Variants in RAD51B observed in about 807,000 individuals in gnomAD.
RAD51B encodes DNA repair protein RAD51 homolog 2.
RAD51B carries 38 observed loss-of-function variants against 42.2 expected under a neutral mutation model. That is an observed-to-expected ratio of 0.90 (90% CI 0.70 to 1.18). The LOEUF is 1.18. RAD51B is among the 50% of genes most tolerant of loss of function. The pLI, the probability that RAD51B is intolerant of heterozygous loss-of-function variation, is 0.00. For missense variants in RAD51B, 373 were observed against 400.7 expected (o/e 0.93, Z 0.59); for synonymous variants, 154 against 145.2 (o/e 1.06, Z -0.43).
At chr14:68,513,429 C>T (rs1308421229) in intron 10 of RAD51B, among the ~76,000 whole-genome samples, 2 of 152,182 alleles carry the variant, frequency 1.3e-5, no homozygotes, top group Non-Finnish European at 2.9e-5. Flanking sequence ...TCATATAAGC[C>T]CCAGCCAAAT....
intron 4 of RAD51B, among the ~76,000 whole-genome samples, chr14:67,843,906 G>T (rs1201940166): frequency 1.3e-5 from 2 of 151,382 alleles, no homozygotes; most frequent in Non-Finnish European, 2.9e-5. Context: ...GGGTTGGTTT[G>T]CTCTTGCTTC....
At chr14:68,345,643 C>A (rs1329603974) in intron 8 of RAD51B, among the ~76,000 whole-genome samples, 1 of 151,546 alleles carries the variant, frequency 6.6e-6, no homozygotes, top group African/African-American at 2.4e-5. Flanking sequence ...TTAAGCTCAG[C>A]GTCAGGTGTT....
At chr14:68,081,011 G>A (rs1261521818) in intron 7 of RAD51B, among the ~76,000 whole-genome samples, 1 of 152,176 alleles carries the variant, frequency 6.6e-6, no homozygotes, top group Non-Finnish European at 1.5e-5. Flanking sequence ...GATGTAGGGA[G>A]TCCAGTGAGA....
At chr14:67,821,361 A>G (rs958346293) in intron 1 of RAD51B, among the ~76,000 whole-genome samples, 6 of 152,246 alleles carry the variant, frequency 3.9e-5, no homozygotes, top group African/African-American at 9.6e-5. Flanking sequence ...ACAATATGCA[A>G]TAGTCCAGGC....
intron 3 of RAD51B, among the ~76,000 whole-genome samples, chr14:67,829,264 A>G (rs1418054095): frequency 6.7e-6 from 1 of 148,748 alleles, no homozygotes; most frequent in Non-Finnish European, 1.5e-5. Flanking sequence ...TTTTTTTGAG[A>G]CAGAGTCTTG....
chr14:68,425,546 A>G (rs1051781989), intron 9 of RAD51B, among the ~76,000 whole-genome samples: 1 of 152,232 alleles, frequency 6.6e-6, no homozygotes, highest in Non-Finnish European at 1.5e-5. Flanking sequence ...GCAATGATGC[A>G]GCAAGAAGGC....
intron 8 of RAD51B, among the ~76,000 whole-genome samples, chr14:68,398,058 C>T (rs1004008752): frequency 3.9e-5 from 6 of 152,206 alleles, no homozygotes; most frequent in African/African-American, 1.2e-4. Context: ...ACCATAAATC[C>T]TCACACTCTG....
At chr14:68,228,910 A>G (rs2080093927) in intron 7 of RAD51B, among the ~76,000 whole-genome samples, 2 of 152,220 alleles carry the variant, frequency 1.3e-5, no homozygotes, top group East Asian at 1.9e-4. Flanking sequence ...GACTGTGAAC[A>G]TGGGAATACA....
chr14:68,428,757 AT>A (rs2084921997), intron 9 of RAD51B, among the ~76,000 whole-genome samples: 1 of 71,848 alleles, frequency 1.4e-5, no homozygotes, highest in African/African-American at 5.2e-5. Flanking sequence ...ATATATATAT[AT>A]ATATATAATT....
intron 8 of RAD51B, among the ~76,000 whole-genome samples, chr14:68,299,849 GT>G: frequency 6.6e-6 from 1 of 152,270 alleles, no homozygotes; most frequent in Non-Finnish European, 1.5e-5. Flanking sequence ...TGAAACTTAG[GT>G]TATTCTCTTC....
intron 9 of RAD51B, among the ~76,000 whole-genome samples, chr14:68,438,339 G>A (rs1414897862): frequency 2.0e-5 from 3 of 152,178 alleles, no homozygotes; most frequent in Non-Finnish European, 2.9e-5. Flanking sequence ...AGATCTGGAA[G>A]GGTGTGGGAA....
rs1046595743 is a variant in RAD51B, at chr14:68,611,444, C to A, written c.*197C>A. Reference sequence around the variant, plus strand: ...CCACTCCTACAACCCTTGATCCCCACGTGAGATCTCATTTCCTCCAGCTGG... The same window carrying A: ...CCACTCCTACAACCCTTGATCCCCAAGTGAGATCTCATTTCCTCCAGCTGG... On this transcript the variant is annotated 3_prime_UTR_variant, in exon 11 of 11. Coordinates refer to the RAD51B transcript ENST00000487861. The A allele has an allele frequency of 6.9e-6, 4 of 582,174 alleles. No homozygotes were observed. In the South Asian group the frequency reaches 8.1e-5, roughly 12 times the overall value. 36.1% of individuals were successfully genotyped at this position (582,174 alleles called of 1,614,324 possible).
chr14:68,312,157 TTA>T (rs1476776112), intron 8 of RAD51B, among the ~76,000 whole-genome samples: 1 of 152,166 alleles, frequency 6.6e-6, no homozygotes. Context: ...ATGAAAGGTG[TTA>T]TATCCAAGGG....
intron 7 of RAD51B, among the ~76,000 whole-genome samples, chr14:68,085,493 G>A (rs1214369484): frequency 2.0e-5 from 3 of 152,150 alleles, no homozygotes; most frequent in African/African-American, 7.2e-5. Flanking sequence ...CAAAGGAAGA[G>A]AGAGTTTGAA....
intron 3 of RAD51B, among the ~76,000 whole-genome samples, chr14:67,834,811 T>C (rs751493446): frequency 1.6e-4 from 25 of 152,178 alleles, no homozygotes; most frequent in Non-Finnish European, 3.2e-4. Flanking sequence ...TTAATTGTGT[T>C]GTAATTGCCT....
chr14:68,648,155 G>GTATATATATATATACACACACGTA (rs1892622132), intron 10 of RAD51B, among the ~76,000 whole-genome samples: 1 of 102,454 alleles, frequency 9.8e-6, no homozygotes, highest in African/African-American at 4.2e-5. Flanking sequence ...ATACACACAC[G>GTATATATATATATACACACACGTA]TATATATATA....
intron 10 of RAD51B, among the ~76,000 whole-genome samples, chr14:68,586,573 G>A (rs546278451): frequency 6.6e-6 from 1 of 152,286 alleles, no homozygotes; most frequent in South Asian, 2.1e-4. Context: ...CAGGTGAGTG[G>A]GCCCAAAGAG....
chr14:68,648,036 T>TATATATATACAC lies in RAD51B; in HGVS notation c.1037-2744_1037-2743insTATATATACACA, dbSNP rs375269798. On this transcript the variant is annotated intron_variant, in intron 10 of 11. Coordinates refer to the RAD51B transcript ENST00000488612. ...ATATATATATACGTATATATATATA[T>TATATATATACAC]ACACACGTATATAGATGTGTGTGTG... is the stretch of plus-strand genomic sequence containing the variant. Among the ~76,000 whole-genome samples the TATATATATACAC allele has an allele frequency of 1.2e-4, 14 of 114,008 alleles. 1 individual carries two copies. The highest frequency in any genetic ancestry group is 5.6e-4 in the South Asian group (2 of 3,540). 74.8% of individuals were successfully genotyped at this position (114,008 alleles called of 152,430 possible). A position where few individuals can be genotyped will look rare whatever the true frequency, so the allele number is the denominator to read the frequency against.
At chr14:68,575,674 C>T (rs1192487236) in intron 10 of RAD51B, among the ~76,000 whole-genome samples, 1 of 152,226 alleles carries the variant, frequency 6.6e-6, no homozygotes, top group Admixed American at 6.5e-5. Flanking sequence ...CTGACCTGTT[C>T]ATTCTAGAAG....
Sources: gnomAD v4.1 joint callset for allele counts (sites outside exome capture counted in the v4.1 genomes callset) on GRCh38, gnomAD v4.1.1 for gene constraint, MANE v1.5 for transcripts, NCBI Gene and HGNC (gene_info 2026-07-23, HGNC 2026-07-21) for gene names.